The following NDNF variants were observed in gnomAD, a reference collection of about 807,000 sequenced individuals.
NDNF encodes neuron derived neurotrophic factor, also known as protein NDNF.
In NDNF, 16 loss-of-function variants were observed where a neutral mutation model predicts 42.0. The ratio of observed to expected loss-of-function variants is 0.38; its 90% CI spans 0.26 to 0.58. The LOEUF (loss-of-function observed/expected upper bound fraction) is 0.58, where lower values mean the gene tolerates loss of function less well. NDNF is among the 20% of genes least tolerant of loss of function. The probability of loss-of-function intolerance (pLI) is 0.67; values close to 1 mark genes in which losing one functional copy is unlikely to be tolerated. For synonymous variants in NDNF, 248 were observed against 251.7 expected, an observed-to-expected ratio of 0.99 and a Z score of 0.14; for missense variants, 616 against 666.2, an observed-to-expected ratio of 0.92 and a Z score of 0.83.
At chr4:121,046,770 T>C (rs1298883636) in intron 1 of NDNF, among the ~76,000 whole-genome samples, 1 of 152,234 alleles carries the variant, frequency 6.6e-6, no homozygotes, top group African/African-American at 2.4e-5. Flanking sequence ...CATTCTCTAC[T>C]GCACATTGCT....
Position 121,036,644 on chromosome 4 carries a change from A to C in NDNF, c.1327T>G (p.Ser443Ala), listed in dbSNP as rs759848890. 2 of 1,614,152 alleles carry C rather than the reference A, an allele frequency of 1.2e-6. No individual in the cohort carries two copies. Among genetic ancestry groups the C allele is most frequent in the Non-Finnish European group, 1.7e-6 (2 of 1,180,014 alleles). ...ILATTRPTKQ[S>A]FPSLPEDTRI... ...GTGTCTTCAGGAAGAGAGGGAAATG[A>C]CTGCTTAGTAGGCCTTGTGGTAGCT... is the stretch of plus-strand genomic sequence containing the variant. The change falls in exon 4 of 4, where the codon TCA becomes GCA. Residue 443 changes from serine to alanine, a missense_variant. Coordinates refer to ENST00000379692, the MANE Select transcript of NDNF (RefSeq NM_024574.4).
intron 1 of NDNF, among the ~76,000 whole-genome samples, chr4:121,057,061 G>C (rs1201140206): frequency 6.6e-6 from 1 of 152,194 alleles, no homozygotes; most frequent in African/African-American, 2.4e-5. Context: ...TGAAGATCTT[G>C]AGCTCGTAGA....
chr4:121,062,472 T>C (rs1296525814), intron 1 of NDNF, among the ~76,000 whole-genome samples: 3 of 152,182 alleles, frequency 2.0e-5, no homozygotes, highest in Non-Finnish European at 4.4e-5. Context: ...TAAGAGATGA[T>C]TAAAGAAAAG....
intron 1 of NDNF, among the ~76,000 whole-genome samples, chr4:121,049,419 C>T (rs894460775): frequency 6.6e-6 from 1 of 152,138 alleles, no homozygotes; most frequent in Non-Finnish European, 1.5e-5. Flanking sequence ...GCCCAGTGCC[C>T]GCTGGCCCTC....
intron 1 of NDNF, among the ~76,000 whole-genome samples, chr4:121,070,518 G>A (rs1181155847): frequency 1.3e-5 from 2 of 152,030 alleles, no homozygotes; most frequent in South Asian, 2.1e-4. Context: ...GAGGAGGTGC[G>A]GAGATTCCCT....
chr4:121,069,961 T>C (rs529347216), intron 1 of NDNF, among the ~76,000 whole-genome samples: 1 of 152,320 alleles, frequency 6.6e-6, no homozygotes, highest in South Asian at 2.1e-4. Context: ...GCCAAGTTTT[T>C]TAAACTTTAA....
intron 1 of NDNF, among the ~76,000 whole-genome samples, chr4:121,057,380 C>T (rs1727314791): frequency 6.6e-6 from 1 of 152,192 alleles, no homozygotes; most frequent in African/African-American, 2.4e-5. Flanking sequence ...AAGACAAACA[C>T]TGGTCTCCCA....
At position 121,037,365 on chromosome 4, in the gene NDNF, G is replaced by A. The variant is rs1444481917; in HGVS notation, c.606C>T (p.Ala202=). 6.2e-7 allele frequency: 1 copy of A among 1,614,184 alleles called. No homozygotes were observed. Among genetic ancestry groups the A allele is most frequent in the Non-Finnish European group, 8.5e-7 (1 of 1,180,036 alleles). ...VTLAWKPSPT[A]SLLKQPIQYC... is the part of the protein sequence containing the mutation. ...ACTGAATGGGTTGTTTCAGCAAAGA[G>A]GCAGTGGGGCTTGGTTTCCAGGCCA... Residue 202 remains alanine (A), a synonymous_variant, in exon 4 of 4, where the codon GCC becomes GCT. Coordinates refer to ENST00000379692, the MANE Select transcript of NDNF (RefSeq NM_024574.4).
intron 1 of NDNF, among the ~76,000 whole-genome samples, chr4:121,053,749 C>T (rs1308283801): frequency 6.6e-6 from 1 of 152,200 alleles, no homozygotes; most frequent in Non-Finnish European, 1.5e-5. Context: ...TTAGGTGATG[C>T]TAATGATTCT....
Position 121,045,768 on chromosome 4 carries a change from T to G in NDNF, c.70A>C (p.Thr24Pro). 1 of 1,614,008 alleles carries G rather than the reference T, an allele frequency of 6.2e-7. No individual in the cohort carries two copies. Among genetic ancestry groups the G allele is most frequent in the Non-Finnish European group, 8.5e-7 (1 of 1,179,990 alleles). ...PLSSRTQKLP[T>P]RDEELFQMQI... Reference sequence around the variant, plus strand: ...ATCTGAAAAAGTTCCTCATCCCGGGTGGGTAACTTCTGGGTCCTTGAGCTG... The same window carrying G: ...ATCTGAAAAAGTTCCTCATCCCGGGGGGGTAACTTCTGGGTCCTTGAGCTG... Residue 24 changes from threonine (T) to proline (P), a missense_variant, in exon 2 of 4, where the codon ACC (threonine) becomes CCC (proline). By Grantham distance (38) the Thr-to-Pro change is conservative. Coordinates refer to ENST00000379692, the MANE Select transcript of NDNF (RefSeq NM_024574.4).
At position 121,045,664 on chromosome 4, in the gene NDNF, T is replaced by A; in HGVS notation, c.174A>T (p.Arg58Ser). The stretch of plus-strand genomic sequence containing the variant: ...AGGGAGAATACCTCTTAGGTGTATC[T>A]CTAAAGAGATAACTGCTAATTTCAG... ...DGAEISSYLF[R>S]DTPKRYFFVV... is the part of the protein sequence containing the mutation. The change falls in exon 2 of 4, where the codon AGA becomes AGT. Residue 58 changes from arginine (R) to serine (S), a missense_variant. Coordinates refer to ENST00000379692, the MANE Select transcript of NDNF (RefSeq NM_024574.4). 6.2e-7 allele frequency: 1 copy of A among 1,614,060 alleles called. No individual in the cohort carries two copies. The highest frequency in any genetic ancestry group is 8.5e-7 in the Non-Finnish European group (1 of 1,179,892).
chr4:121,037,202 A>G lies in NDNF; in HGVS notation c.769T>C (p.Phe257Leu). Residue 257 changes from phenylalanine (F) to leucine (L), a missense_variant, in exon 4 of 4, where the codon TTT (phenylalanine) becomes CTT (leucine). Transcript: ENST00000379692. The stretch of plus-strand genomic sequence containing the variant: ...TCTTTACCTGAATTATCAGAAGGAA[A>G]TCCAAAGTGGGCAAAGTCAAAGGGG... ...FSPFDFAHFG[F>L]PSDNSGKERS... 6.2e-7 allele frequency: 1 copy of G among 1,614,086 alleles called. No homozygotes were observed. Among genetic ancestry groups the G allele is most frequent in the Non-Finnish European group, 8.5e-7 (1 of 1,180,024 alleles).
chr4:121,056,536 G>C (rs1040783417), intron 1 of NDNF, among the ~76,000 whole-genome samples: 7 of 152,094 alleles, frequency 4.6e-5, no homozygotes, highest in Non-Finnish European at 1.0e-4. Flanking sequence ...GTAACAGCAA[G>C]GATAAAACTG....
chr4:121,056,604 T>C (rs1727300953), intron 1 of NDNF, among the ~76,000 whole-genome samples: 1 of 152,330 alleles, frequency 6.6e-6, no homozygotes, highest in African/African-American at 2.4e-5. Flanking sequence ...CTATCAATCA[T>C]TTCATTCAGG....
intron 1 of NDNF, among the ~76,000 whole-genome samples, chr4:121,062,883 TA>T (rs1424282979): frequency 2.0e-5 from 3 of 152,184 alleles, no homozygotes; most frequent in Non-Finnish European, 4.4e-5. Flanking sequence ...GAATAAACTT[TA>T]AATGTGGAAA....
In NDNF at chr4:121,036,526, T is replaced by A; in HGVS notation, c.1445A>T (p.Lys482Ile). 1.2e-6 allele frequency: 2 copies of A among 1,614,214 alleles called. No individual in the cohort carries two copies. The highest frequency in any genetic ancestry group is 1.7e-6 in the Non-Finnish European group (2 of 1,180,030). Residue 482 changes from lysine to isoleucine, a missense_variant, in exon 4 of 4, where the codon AAA becomes ATA. Coordinates refer to ENST00000379692, the MANE Select transcript of NDNF (RefSeq NM_024574.4). ...ATTGTAGTTATCATCCACTTCTTTTTTGTAGATGCAAAACTTGTTCCTTTC... is the reference window on the plus strand; with the variant it reads ...ATTGTAGTTATCATCCACTTCTTTTATGTAGATGCAAAACTTGTTCCTTTC... ...TQERNKFCIYKKEVDDNYNED... is the reference protein window; with the variant it reads ...TQERNKFCIYIKEVDDNYNED...
rs1485545586 is a variant in NDNF at position 121,035,733 on chromosome 4, G to T, written c.*531C>A. On this transcript the variant is annotated 3_prime_UTR_variant, in exon 4 of 4. Coordinates refer to ENST00000379692, the MANE Select transcript of NDNF (RefSeq NM_024574.4). ...TTTAAACATTTTACTCAACAAACAAGAATTTACAATAGCAATATAACTGAC... is the reference window on the plus strand; with the variant it reads ...TTTAAACATTTTACTCAACAAACAATAATTTACAATAGCAATATAACTGAC... The T allele has an allele frequency of 6.6e-6, 1 of 152,448 alleles. No individual in the cohort carries two copies. Among genetic ancestry groups the T allele is most frequent in the East Asian group, 1.9e-4 (1 of 5,198 alleles). 9.4% of individuals were successfully genotyped at this position (152,448 alleles called of 1,614,324 possible).
intron 3 of NDNF, among the ~76,000 whole-genome samples, chr4:121,039,192 G>GTGTGTA (rs1461716985): frequency 4.6e-4 from 10 of 21,548 alleles, no homozygotes; most frequent in South Asian, 1.9e-3. Context: ...GTGTGTGTGT[G>GTGTGTA]TATATATATA....
At chr4:121,061,858 C>T (rs1727417695) in intron 1 of NDNF, among the ~76,000 whole-genome samples, 1 of 152,154 alleles carries the variant, frequency 6.6e-6, no homozygotes, top group African/African-American at 2.4e-5. Context: ...AAACCATGAT[C>T]GGCTTTGGTA....
Sources: gnomAD v4.1 joint callset for allele counts (sites outside exome capture counted in the v4.1 genomes callset) on GRCh38, gnomAD v4.1.1 for gene constraint, MANE v1.5 for transcripts, NCBI Gene and HGNC (gene_info 2026-07-23, HGNC 2026-07-21) for gene names.